The following MORN5 variants were observed in gnomAD, a reference collection of about 807,000 sequenced individuals.
The protein encoded by MORN5 is MORN repeat-containing protein 5.
A neutral mutation model predicts 22.1 loss-of-function variants in MORN5; 21 were observed. The observed-to-expected ratio is 0.95, with a 90% CI of 0.67 to 1.37. MORN5 has a LOEUF of 1.37. MORN5 is among the 40% of genes most tolerant of loss of function. The pLI is 0.00. For missense variants in MORN5, 211 were observed against 215.1 expected, an observed-to-expected ratio of 0.98 and a Z score of 0.12; for synonymous variants, 73 against 74.0, an observed-to-expected ratio of 0.99 and a Z score of 0.07.
At chr9:122,188,132 G>A (rs563975163) in intron 4 of MORN5, among the ~76,000 whole-genome samples, 3 of 152,338 alleles carry the variant, frequency 2.0e-5, no homozygotes, top group African/African-American at 7.2e-5. Context: ...AGTGTGGGCT[G>A]GAGAGAGCCT....
chr9:122,165,328 G>A (rs1227227769), intron 1 of MORN5, among the ~76,000 whole-genome samples: 1 of 147,998 alleles, frequency 6.8e-6, no homozygotes, highest in Non-Finnish European at 1.5e-5. Flanking sequence ...GGAGGCTGAG[G>A]CAGGAGGATC....
chr9:122,196,142 A>G (rs1056971822), intron 4 of MORN5, among the ~76,000 whole-genome samples: 2 of 151,328 alleles, frequency 1.3e-5, no homozygotes, highest in Non-Finnish European at 2.9e-5. Flanking sequence ...TATTTTTTGC[A>G]GAGAGGAGGT....
Position 122,191,657 on chromosome 9 carries a change from C to T in MORN5, c.440-8228C>T, listed in dbSNP as rs139090465. Among the ~76,000 whole-genome samples, 387 of 152,380 alleles carry T rather than the reference C, an allele frequency of 2.5e-3. 2 individuals are homozygous for T. The highest frequency in any genetic ancestry group is 6.9e-3 in the African/African-American group (287 of 41,592). On this transcript the variant is annotated intron_variant, in intron 4 of 4. Transcript: ENST00000373764. ...ACACAGGATGGAAGCTGCATAGCAG[C>T]GGTGACCGCAGGTGTGCGCAGCCCA...
At chr9:122,168,692 G>A (rs908477996) in intron 2 of MORN5, among the ~76,000 whole-genome samples, 5 of 152,312 alleles carry the variant, frequency 3.3e-5, no homozygotes, top group Middle Eastern at 6.8e-3. Context: ...ACAAAGGGCC[G>A]TGGCTGATGG....
chr9:122,168,549 C>T (rs1588302267), intron 2 of MORN5, among the ~76,000 whole-genome samples: 1 of 152,126 alleles, frequency 6.6e-6, no homozygotes, highest in South Asian at 2.1e-4. Flanking sequence ...GTGACTTTCC[C>T]GAGGTCACAC....
chr9:122,169,987 C>T (rs1238944947), intron 3 of MORN5, among the ~76,000 whole-genome samples: 2 of 152,206 alleles, frequency 1.3e-5, no homozygotes, highest in Non-Finnish European at 2.9e-5. Context: ...CACTGCGCCT[C>T]AGTTTCTCCC....
At chr9:122,192,679 T>G (rs1472513609) in intron 4 of MORN5, among the ~76,000 whole-genome samples, 2 of 152,198 alleles carry the variant, frequency 1.3e-5, no homozygotes, top group African/African-American at 2.4e-5. Context: ...GGCTTTGAGC[T>G]TCCTGAGTGG....
At chr9:122,192,140 G>A (rs1829783213) in intron 4 of MORN5, among the ~76,000 whole-genome samples, 2 of 152,224 alleles carry the variant, frequency 1.3e-5, no homozygotes, top group Admixed American at 6.5e-5. Flanking sequence ...GCGAGTCGGT[G>A]GCTCAGCATC....
At chr9:122,182,857 C>A (rs1829557289) in intron 4 of MORN5, among the ~76,000 whole-genome samples, 1 of 152,234 alleles carries the variant, frequency 6.6e-6, no homozygotes, top group Non-Finnish European at 1.5e-5. Context: ...CACTTGGTCT[C>A]AGGTTAAAAA....
intron 4 of MORN5, among the ~76,000 whole-genome samples, chr9:122,188,095 A>C (rs1829677887): frequency 6.6e-6 from 1 of 152,212 alleles, no homozygotes; most frequent in East Asian, 1.9e-4. Context: ...AGTAGGTCTC[A>C]GTGAGGCATT....
intron 2 of MORN5, among the ~76,000 whole-genome samples, chr9:122,169,126 C>T (rs1413912887): frequency 6.6e-6 from 1 of 152,160 alleles, no homozygotes; most frequent in East Asian, 1.9e-4. Context: ...TTGTATGGTG[C>T]CCACCCACTT....
chr9:122,175,942 G>T (rs932358707), intron 4 of MORN5, among the ~76,000 whole-genome samples: 1 of 151,648 alleles, frequency 6.6e-6, no homozygotes, highest in Non-Finnish European at 1.5e-5. Context: ...GTGAAACCCC[G>T]TCTCTACTAA....
At chr9:122,186,585 G>T (rs1056276074) in intron 4 of MORN5, among the ~76,000 whole-genome samples, 21 of 152,062 alleles carry the variant, frequency 1.4e-4, no homozygotes, top group African/African-American at 5.1e-4. Flanking sequence ...TGCAGGAATT[G>T]CCCATTGCCA....
At chr9:122,198,778 C>T (rs576162189) in intron 4 of MORN5, among the ~76,000 whole-genome samples, 1 of 152,246 alleles carries the variant, frequency 6.6e-6, no homozygotes, top group South Asian at 2.1e-4. Context: ...GAAAATGTGA[C>T]GGAAGCCAAG....
At position 122,173,318 on chromosome 9, in the gene MORN5, C is replaced by T. The variant is rs115109395; in HGVS notation, c.308-1178C>T. ...GGCAGGGTGAGGGTTAAAAGTGCCCCGCGACCTCTTCGAGCATCTGTGAGA... is the reference window on the plus strand; with the variant it reads ...GGCAGGGTGAGGGTTAAAAGTGCCCTGCGACCTCTTCGAGCATCTGTGAGA... On this transcript the variant is annotated intron_variant, in intron 3 of 4. Coordinates refer to ENST00000373764, the MANE Select transcript of MORN5 (RefSeq NM_198469.4). Among the ~76,000 whole-genome samples the T allele has an allele frequency of 3.2e-3, 480 of 152,278 alleles. 1 individual carries two copies. Among genetic ancestry groups the T allele is most frequent in the African/African-American group, 0.01 (436 of 41,564 alleles).
At chr9:122,165,569 G>A (rs971946785) in intron 1 of MORN5, among the ~76,000 whole-genome samples, 7 of 151,984 alleles carry the variant, frequency 4.6e-5, no homozygotes, top group Admixed American at 4.6e-4. Flanking sequence ...AACAAGATCT[G>A]GTCTTGGGAA....
At chr9:122,164,761 A>ACCC in intron 1 of MORN5, 1 of 258,244 alleles carries the variant, frequency 3.9e-6, no homozygotes, top group Non-Finnish European at 6.0e-6. Flanking sequence ...GGGAAGGAGA[A>ACCC]GAGGAATTCT....
intron 4 of MORN5, among the ~76,000 whole-genome samples, chr9:122,182,760 CA>C (rs373744339): frequency 1.1e-3 from 166 of 152,216 alleles, no homozygotes; most frequent in African/African-American, 3.8e-3. Context: ...CAAAAACCAA[CA>C]AAAAAACAGC....
Position 122,174,485 on chromosome 9 carries a change from G to A in MORN5, c.308-11G>A. On this transcript the variant is annotated splice_polypyrimidine_tract_variant and intron_variant, in intron 3 of 4. Coordinates refer to ENST00000373764, the MANE Select transcript of MORN5 (RefSeq NM_198469.4). ...TCATGGTGAACTAATTGCCCATTATGTTCTTTCAAGGTATGGCTCAACTCA... is the reference window on the plus strand; with the variant it reads ...TCATGGTGAACTAATTGCCCATTATATTCTTTCAAGGTATGGCTCAACTCA... The A allele has an allele frequency of 6.2e-7, 1 of 1,613,290 alleles. No homozygotes were observed. Among genetic ancestry groups the A allele is most frequent in the Non-Finnish European group, 8.5e-7 (1 of 1,179,660 alleles).
Sources: gnomAD v4.1 joint callset for allele counts (sites outside exome capture counted in the v4.1 genomes callset) on GRCh38, gnomAD v4.1.1 for gene constraint, MANE v1.5 for transcripts, NCBI Gene and HGNC (gene_info 2026-07-23, HGNC 2026-07-21) for gene names.